Variants in CTHRC1 observed in about 807,000 individuals in gnomAD.
CTHRC1 encodes collagen triple helix repeat-containing protein 1.
Under a neutral mutation model 25.9 loss-of-function variants are expected in CTHRC1, and 21 were observed. That is an observed-to-expected ratio of 0.81 (90% CI 0.57 to 1.17). CTHRC1 has a LOEUF of 1.17. Ranked by LOEUF, CTHRC1 falls within the 50% of genes most tolerant of loss-of-function variation. The pLI is 0.00. For synonymous variants in CTHRC1, 109 were observed against 113.1 expected, an observed-to-expected ratio of 0.96 and a Z score of 0.23; for missense variants, 281 against 304.3, an observed-to-expected ratio of 0.92 and a Z score of 0.57.
In CTHRC1 at chr8:103,375,957, G is replaced by C; in HGVS notation, c.370G>C (p.Ala124Pro). ...TTATGGCATAGATCTTGGGAAAATTGCGGTAAGTTTGAATTATTTTAAAAT... is the reference window on the plus strand; with the variant it reads ...TTATGGCATAGATCTTGGGAAAATTCCGGTAAGTTTGAATTATTTTAAAAT... ...LNYGIDLGKI[A>P]ECTFTKMRSN... is the part of the protein sequence containing the mutation. Residue 124 changes from alanine to proline, a missense_variant and splice_region_variant, in exon 2 of 4, where the codon GCG (alanine) becomes CCG (proline). Physicochemically the swap from Ala to Pro is conservative, Grantham distance 27 (BLOSUM62 -1). Transcript: ENST00000330295. 1.2e-6 allele frequency: 2 copies of C among 1,610,416 alleles called. No homozygotes were observed. The highest frequency in any genetic ancestry group is 1.7e-6 in the Non-Finnish European group (2 of 1,177,102).
chr8:103,380,319 C>T (rs1431050191), intron 3 of CTHRC1, among the ~76,000 whole-genome samples: 1 of 152,184 alleles, frequency 6.6e-6, no homozygotes, highest in Non-Finnish European at 1.5e-5. Flanking sequence ...CCATTGTGTG[C>T]AAACTCATTT....
At position 103,371,661 on chromosome 8, in the gene CTHRC1, G is replaced by T. The variant is rs768153022; in HGVS notation, c.5G>T (p.Arg2Leu). 2.2e-5 allele frequency: 34 copies of T among 1,533,806 alleles called. No individual in the cohort carries two copies. The highest frequency in any genetic ancestry group is 2.9e-5 in the Non-Finnish European group (33 of 1,141,668). Residue 2 changes from arginine to leucine, a missense_variant, in exon 1 of 4, where the codon CGA (arginine) becomes CTA (leucine). By Grantham distance (102) the Arg-to-Leu change is moderately radical. Transcript: ENST00000330295. MRPQGPAASPQR... is the reference protein window; with the variant it reads MLPQGPAASPQR... ...GCTGCCCGGCAGCCGGGAGCCATGC[G>T]ACCCCAGGGCCCCGCCGCCTCCCCG... is the stretch of plus-strand genomic sequence containing the variant.
intron 1 of CTHRC1, chr8:103,372,727 G>A: frequency 1.5e-6 from 2 of 1,361,792 alleles, no homozygotes; most frequent in Non-Finnish European, 1.0e-6. Context: ...AGGTTCTCTG[G>A]CCTGTGGTAT....
chr8:103,372,850 TA>T (rs1355348065), intron 1 of CTHRC1, among the ~76,000 whole-genome samples: 1 of 151,948 alleles, frequency 6.6e-6, no homozygotes, highest in Non-Finnish European at 1.5e-5. Context: ...CATTTTTTTT[TA>T]ATTAAAAAGA....
At chr8:103,377,898 C>T (rs1429253666) in intron 2 of CTHRC1, 129 bp from the exon 3 acceptor site, 3 of 833,872 alleles carry the variant, frequency 3.6e-6, no homozygotes, top group Non-Finnish European at 3.9e-6. Context: ...GCCACCACAC[C>T]CGGCCAAGTT....
chr8:103,371,574 G>A lies in CTHRC1; in HGVS notation c.-83G>A. 1.4e-6 allele frequency: 2 copies of A among 1,445,244 alleles called. No individual in the cohort carries two copies. Among genetic ancestry groups the A allele is most frequent in the Non-Finnish European group, 1.9e-6 (2 of 1,079,154 alleles). The allele number at this position is 1,445,244 out of a possible 1,614,324, so 89.5% of individuals were successfully genotyped here. On this transcript the variant is annotated 5_prime_UTR_variant, in exon 1 of 4. Coordinates refer to ENST00000330295, the MANE Select transcript of CTHRC1 (RefSeq NM_138455.4). Reference sequence around the variant, plus strand: ...TGATGCAGCCTGCGGCGGCCTCGGAGCGCGGCGGAGCCAGACGCTGACCAC... The same window carrying A: ...TGATGCAGCCTGCGGCGGCCTCGGAACGCGGCGGAGCCAGACGCTGACCAC...
intron 1 of CTHRC1, 25 bp from the exon 2 acceptor site, chr8:103,375,713 C>T (rs1364617458): frequency 6.3e-7 from 1 of 1,591,926 alleles, no homozygotes; most frequent in East Asian, 2.2e-5. Context: ...TGAGAGTTTT[C>T]TTTGCCTTTT....
chr8:103,382,131 C>CCTTT (rs1398918243), intron 3 of CTHRC1, among the ~76,000 whole-genome samples: 9 of 152,152 alleles, frequency 5.9e-5, no homozygotes, highest in African/African-American at 2.2e-4. Context: ...GTATATATAG[C>CCTTT]CTTTCTTTGT....
At chr8:103,376,180 CTAAAA>C in intron 2 of CTHRC1, 1 of 603,666 alleles carries the variant, frequency 1.7e-6, no homozygotes, top group Admixed American at 3.0e-5. Context: ...ACCATAGTAT[CTAAAA>C]TAACATACTT....
chr8:103,371,824 G>A lies in CTHRC1; in HGVS notation c.150+18G>A, dbSNP rs546226454. ...TGGACCTGGTGAGTCCGAGGGAGCC[G>A]AGCCGGGACCGCCGCGCTGGTGGAG... On this transcript the variant is annotated intron_variant, in intron 1 of 3. Transcript: ENST00000330295. The A allele has an allele frequency of 1.9e-4, 279 of 1,486,804 alleles. 1 individual carries two copies. The South Asian group carries it at 3.3e-3, about 17-fold the overall frequency. The allele number at this position is 1,486,804 out of a possible 1,614,324, so 92.1% of individuals were successfully genotyped here. A position where few individuals can be genotyped will look rare whatever the true frequency, so the allele number is the denominator to read the frequency against.
Position 103,371,797 on chromosome 8 carries a change from G to T in CTHRC1, c.141G>T (p.Val47=). Residue 47 remains valine, a synonymous_variant, in exon 1 of 4, where the codon GTG becomes GTT. Coordinates refer to ENST00000330295, the MANE Select transcript of CTHRC1 (RefSeq NM_138455.4). ...KQKAQLRQRE[V]VDLYNGMCLQ... ...AGGCGCAGCTCCGGCAGAGGGAGGT[G>T]GTGGACCTGGTGAGTCCGAGGGAGC... 1.3e-6 allele frequency: 2 copies of T among 1,527,112 alleles called. No homozygotes were observed. The highest frequency in any genetic ancestry group is 1.2e-5 in the South Asian group (1 of 81,372). 94.6% of individuals were successfully genotyped at this position (1,527,112 alleles called of 1,614,324 possible).
At chr8:103,381,461 T>A (rs1815908594) in intron 3 of CTHRC1, among the ~76,000 whole-genome samples, 1 of 103,410 alleles carries the variant, frequency 9.7e-6, no homozygotes, top group Admixed American at 1.1e-4. Context: ...GACTGAGGGA[T>A]TTTTTTTTTT....
chr8:103,373,715 C>T (rs980777745), intron 1 of CTHRC1, among the ~76,000 whole-genome samples: 2 of 147,490 alleles, frequency 1.4e-5, no homozygotes, highest in Non-Finnish European at 3.0e-5. Flanking sequence ...AGTAGCAATC[C>T]CCTCTCCCAA....
At chr8:103,378,411 T>G (rs890434426) in intron 3 of CTHRC1, among the ~76,000 whole-genome samples, 168 bp downstream of exon 3, 1 of 152,202 alleles carries the variant, frequency 6.6e-6, no homozygotes, top group Non-Finnish European at 1.5e-5. Context: ...CTCGATCTTT[T>G]AAAAATACAT....
At chr8:103,374,929 A>T (rs1416012972) in intron 1 of CTHRC1, among the ~76,000 whole-genome samples, 2 of 152,228 alleles carry the variant, frequency 1.3e-5, no homozygotes, top group African/African-American at 4.8e-5. Flanking sequence ...TGGCTCTAGA[A>T]TCCATGCATT....
chr8:103,375,769 G>A lies in CTHRC1; in HGVS notation c.182G>A (p.Gly61Glu). 6.2e-7 allele frequency: 1 copy of A among 1,614,088 alleles called. No homozygotes were observed. Among genetic ancestry groups the A allele is most frequent in the South Asian group, 1.1e-5 (1 of 91,072 alleles). ...GGAATGTGCTTACAAGGGCCAGCAG[G>A]AGTGCCTGGTCGAGACGGGAGCCCT... The part of the protein sequence containing the change: ...YNGMCLQGPA[G>E]VPGRDGSPGA... Residue 61 changes from glycine (G) to glutamate (E), a missense_variant, in exon 2 of 4, where the codon GGA becomes GAA. By Grantham distance (98) the Gly-to-Glu change is moderately conservative (BLOSUM62 -2). Transcript: ENST00000330295.
chr8:103,373,977 T>A (rs1815759794), intron 1 of CTHRC1, among the ~76,000 whole-genome samples: 1 of 152,188 alleles, frequency 6.6e-6, no homozygotes, highest in Admixed American at 6.5e-5. Context: ...AAATAAAGTC[T>A]AAAACACACC....
chr8:103,373,001 G>T (rs527344112), intron 1 of CTHRC1, among the ~76,000 whole-genome samples: 1 of 152,330 alleles, frequency 6.6e-6, no homozygotes, highest in African/African-American at 2.4e-5. Context: ...GGTAGGCTGT[G>T]TAATTTTGAT....
chr8:103,372,745 C>G (rs1408420442), intron 1 of CTHRC1: 17 of 1,050,496 alleles, frequency 1.6e-5, no homozygotes, highest in East Asian at 2.4e-5. Flanking sequence ...TATGAGGGAG[C>G]CTTTCAGAGC....
Sources: allele counts gnomAD v4.1 joint callset (sites outside exome capture counted in the v4.1 genomes callset), GRCh38; gene constraint gnomAD v4.1.1; transcripts MANE v1.5; gene names NCBI Gene and HGNC (gene_info 2026-07-23, HGNC 2026-07-21).